Variants in GRIP1 observed in about 807,000 individuals in gnomAD.
The protein encoded by GRIP1 is glutamate receptor-interacting protein 1.
Under a neutral mutation model 129.9 loss-of-function variants are expected in GRIP1, and 45 were observed. The observed-to-expected ratio is 0.35, with a 90% confidence interval of 0.27 to 0.44. The LOEUF is 0.44. Among genes scored for constraint, GRIP1 ranks in the 20% least tolerant of loss-of-function variants. GRIP1 has a pLI of 1.00. For synonymous variants in GRIP1, 530 were observed against 520.8 expected (o/e 1.02, Z -0.24); for missense variants, 1,196 against 1,396.8 (o/e 0.86, Z 2.29).
chr12:66,418,758 AGT>A (rs2057700246), intron 15 of GRIP1, among the ~76,000 whole-genome samples: 1 of 152,194 alleles, frequency 6.6e-6, no homozygotes, highest in African/African-American at 2.4e-5. Flanking sequence ...ATCTGACCCG[AGT>A]TAAAATGGTT....
At chr12:66,968,851 T>C (rs1230072986) in intron 1 of GRIP1, among the ~76,000 whole-genome samples, 3 of 152,172 alleles carry the variant, frequency 2.0e-5, no homozygotes, top group Non-Finnish European at 4.4e-5. Context: ...TGCTGAACTA[T>C]CATTATTCTT....
chr12:66,482,880 A>C (rs892808184), intron 7 of GRIP1, among the ~76,000 whole-genome samples: 7 of 152,228 alleles, frequency 4.6e-5, no homozygotes, highest in Non-Finnish European at 8.8e-5. Flanking sequence ...TGGTTGAGAA[A>C]AATGGATGAT....
chr12:66,674,919 C>T (rs567286021), intron 1 of GRIP1, among the ~76,000 whole-genome samples: 3 of 152,238 alleles, frequency 2.0e-5, no homozygotes, highest in African/African-American at 7.2e-5. Context: ...GAATGCACAG[C>T]AGGGAGCAGT....
rs562393041 is a variant in GRIP1, at chr12:66,498,205, C to T, written c.724+17414G>A. Among the ~76,000 whole-genome samples, 159 of 152,294 alleles carry T rather than the reference C, an allele frequency of 1.0e-3. 1 individual carries two copies. The highest frequency in any genetic ancestry group is 3.3e-3 in the Admixed American group (51 of 15,298). On this transcript the variant is annotated intron_variant, in intron 7 of 24. Transcript: ENST00000359742. ...GCTCACACAAAGCCTGTTTGGTGGT[C>T]TCTTCACACAGACGCGCATGAAAGT...
intron 1 of GRIP1, among the ~76,000 whole-genome samples, chr12:66,877,763 G>A (rs2040407168): frequency 6.6e-6 from 1 of 151,818 alleles, no homozygotes; most frequent in South Asian, 2.1e-4. Flanking sequence ...AACATATCTG[G>A]CAGAAAGTCA....
chr12:66,736,346 ATTTTTT>A (rs547706592), intron 1 of GRIP1, among the ~76,000 whole-genome samples: 3 of 67,022 alleles, frequency 4.5e-5, no homozygotes, highest in South Asian at 6.5e-4. Flanking sequence ...TGCCTGGCTA[ATTTTTT>A]TTTTTTTTTT....
chr12:66,548,892 C>G (rs1266098517), intron 2 of GRIP1, among the ~76,000 whole-genome samples: 1 of 152,034 alleles, frequency 6.6e-6, no homozygotes, highest in Non-Finnish European at 1.5e-5. Flanking sequence ...TTCATCACAC[C>G]TCAAAATGCT....
At chr12:66,687,382 G>A (rs2034822147) in intron 1 of GRIP1, among the ~76,000 whole-genome samples, 2 of 152,012 alleles carry the variant, frequency 1.3e-5, no homozygotes, top group Non-Finnish European at 2.9e-5. Flanking sequence ...TTAAACATGG[G>A]CAATAGGATG....
At chr12:66,391,371 G>A (rs1450533838) in intron 19 of GRIP1, among the ~76,000 whole-genome samples, 1 of 152,174 alleles carries the variant, frequency 6.6e-6, no homozygotes, top group East Asian at 1.9e-4. Flanking sequence ...ACGGATCACT[G>A]GGAAGAAAAT....
intron 1 of GRIP1, among the ~76,000 whole-genome samples, chr12:67,011,729 A>G (rs1237801974): frequency 2.0e-5 from 3 of 152,088 alleles, no homozygotes; most frequent in African/African-American, 7.2e-5. Flanking sequence ...CTTGCACTAC[A>G]GAAATTTGAA....
At chr12:66,929,035 T>C (rs1447297378) in intron 1 of GRIP1, among the ~76,000 whole-genome samples, 1 of 152,210 alleles carries the variant, frequency 6.6e-6, no homozygotes, top group Non-Finnish European at 1.5e-5. Flanking sequence ...AAGATAGTTA[T>C]TGGTAGAGCT....
In GRIP1 at chr12:66,588,077, G is replaced by A. The variant is rs534656015; in HGVS notation, c.136+8770C>T. On this transcript the variant is annotated intron_variant, in intron 2 of 24. Transcript: ENST00000359742. ...ATGATGCCACAGAACACAGTGACTC[G>A]TTTCATTTTCTCGGTGTTATTTTAC... 3.3e-5 allele frequency among the ~76,000 whole-genome samples: 5 copies of A among 151,796 alleles called. No homozygotes were observed. In the East Asian group the frequency reaches 5.8e-4, roughly 18 times the overall value.
At chr12:66,494,151 T>C (rs147112814) in intron 7 of GRIP1, among the ~76,000 whole-genome samples, 171 of 152,336 alleles carry the variant, frequency 1.1e-3, no homozygotes, top group Middle Eastern at 3.4e-3. Context: ...CAGAACTCTC[T>C]TAGGTGCTTA....
chr12:67,043,428 G>A (rs551661524), intron 1 of GRIP1, among the ~76,000 whole-genome samples: 1 of 152,088 alleles, frequency 6.6e-6, no homozygotes, highest in Non-Finnish European at 1.5e-5. Flanking sequence ...GTGATCTACA[G>A]CTCTTAACCA....
intron 13 of GRIP1, among the ~76,000 whole-genome samples, chr12:66,435,484 G>A (rs576821947): frequency 1.1e-4 from 17 of 152,270 alleles, no homozygotes; most frequent in African/African-American, 3.6e-4. Context: ...GATTACAGGC[G>A]GAGCCACTGC....
intron 1 of GRIP1, among the ~76,000 whole-genome samples, chr12:66,893,779 T>C (rs2040700650): frequency 6.6e-6 from 1 of 152,136 alleles, no homozygotes; most frequent in East Asian, 1.9e-4. Flanking sequence ...TCATTGGAAA[T>C]TGCCAAATAT....
intron 1 of GRIP1, among the ~76,000 whole-genome samples, chr12:66,870,501 G>C (rs1470827630): frequency 6.6e-6 from 1 of 152,118 alleles, no homozygotes; most frequent in Non-Finnish European, 1.5e-5. Context: ...TATCAATATA[G>C]TCTGATGTGG....
intron 4 of GRIP1, among the ~76,000 whole-genome samples, chr12:66,533,364 G>A (rs1321695035): frequency 6.6e-6 from 1 of 151,846 alleles, no homozygotes; most frequent in Non-Finnish European, 1.5e-5. Flanking sequence ...ATAAATATCA[G>A]GCCGGGCGTG....
At chr12:66,366,891 C>T (rs1276050168) in intron 23 of GRIP1, among the ~76,000 whole-genome samples, 1 of 152,094 alleles carries the variant, frequency 6.6e-6, no homozygotes, top group Non-Finnish European at 1.5e-5. Flanking sequence ...GCTACATTGC[C>T]CAGGCTGGCC....
Sources: allele counts gnomAD v4.1 joint callset (sites outside exome capture counted in the v4.1 genomes callset), GRCh38; gene constraint gnomAD v4.1.1; transcripts MANE v1.5; gene names NCBI Gene and HGNC (gene_info 2026-07-23, HGNC 2026-07-21).